The following ANXA2 variants were observed in gnomAD, a reference collection of about 807,000 sequenced individuals.
ANXA2 encodes the protein annexin A2.
A neutral mutation model predicts 47.3 loss-of-function variants in ANXA2; 28 were observed. The ratio of observed to expected loss-of-function variants is 0.59; its 90% confidence interval spans 0.44 to 0.81. ANXA2 has a LOEUF of 0.81. Ranked by LOEUF, ANXA2 falls within the 40% of genes least tolerant of loss-of-function variation. The pLI, the probability that ANXA2 is intolerant of heterozygous loss-of-function variation, is 0.00. For missense variants in ANXA2, 384 were observed against 414.3 expected, an observed-to-expected ratio of 0.93 and a Z score of 0.64; for synonymous variants, 172 against 155.5, an observed-to-expected ratio of 1.11 and a Z score of -0.79.
At position 60,354,593 on chromosome 15, in the gene ANXA2, C is replaced by G. The variant is rs1470675483; in HGVS notation, c.529-380G>C. ...TGAGATCACGCCACTGCACTCCAACCCTGGTGACAGAGTGAGACTCTGTCT... is the reference window on the plus strand; with the variant it reads ...TGAGATCACGCCACTGCACTCCAACGCTGGTGACAGAGTGAGACTCTGTCT... On this transcript the variant is annotated intron_variant, in intron 7 of 12. Coordinates refer to ENST00000451270, the MANE Select transcript of ANXA2 (RefSeq NM_004039.3). Among the ~76,000 whole-genome samples the G allele has an allele frequency of 4.2e-5, 6 of 143,902 alleles. No individual in the cohort carries two copies. In the East Asian group the frequency reaches 1.2e-3, roughly 29 times the overall value. 94.4% of individuals were successfully genotyped at this position (143,902 alleles called of 152,430 possible).
At chr15:60,381,590 C>A (rs185057470) in intron 3 of ANXA2, among the ~76,000 whole-genome samples, 2 of 152,148 alleles carry the variant, frequency 1.3e-5, no homozygotes, top group African/African-American at 2.4e-5. Flanking sequence ...AAGAGGAAGG[C>A]TTTTACGCCT....
intron 5 of ANXA2, among the ~76,000 whole-genome samples, chr15:60,359,485 T>TAATGA (rs2062480272): frequency 6.6e-6 from 1 of 152,228 alleles, no homozygotes; most frequent in Non-Finnish European, 1.5e-5. Context: ...TTATCATTCT[T>TAATGA]AATGACGTCT....
chr15:60,390,588 T>A (rs1315360750), intron 1 of ANXA2: 1 of 320,554 alleles, frequency 3.1e-6, no homozygotes, highest in Non-Finnish European at 6.1e-6. Flanking sequence ...GCTGACCCCA[T>A]CTGCAGATCT....
At chr15:60,395,627 G>A (rs747825046) in intron 1 of ANXA2, 2 of 152,062 alleles carry the variant, frequency 1.3e-5, no homozygotes, top group Non-Finnish European at 2.9e-5. Context: ...GGAAACTAAC[G>A]GCCATGACTG....
In ANXA2 at chr15:60,361,033, A is replaced by G. The variant is rs753412416; in HGVS notation, c.265T>C (p.Ser89Pro). ...GTCTCCAGGTGGCCAGATAAGGCTGACTTCAGTGCTGATGCAAGTTCCTTC... is the reference window on the plus strand; with the variant it reads ...GTCTCCAGGTGGCCAGATAAGGCTGGCTTCAGTGCTGATGCAAGTTCCTTC... ...TKKELASALKSALSGHLETVI... is the reference protein window; with the variant it reads ...TKKELASALKPALSGHLETVI... The change falls in exon 5 of 13, where the codon TCA (serine) becomes CCA (proline). Residue 89 changes from serine (S) to proline (P), a missense_variant. Coordinates refer to ENST00000451270, the MANE Select transcript of ANXA2 (RefSeq NM_004039.3). 9.3e-6 allele frequency: 15 copies of G among 1,612,782 alleles called. No homozygotes were observed. Among genetic ancestry groups the G allele is most frequent in the Non-Finnish European group, 1.3e-5 (15 of 1,178,708 alleles).
At chr15:60,382,512 A>G in intron 2 of ANXA2, 71 bp from the exon 3 acceptor site, 2 of 1,108,314 alleles carry the variant, frequency 1.8e-6, no homozygotes, top group Admixed American at 2.0e-5. Context: ...ACAATGCCTA[A>G]TATGTTTTCC....
At chr15:60,383,526 G>A (rs1206486266) in intron 2 of ANXA2, 3 of 152,224 alleles carry the variant, frequency 2.0e-5, no homozygotes, top group Non-Finnish European at 4.4e-5. Context: ...TTCTACGTCA[G>A]TTCTCCTTTC....
chr15:60,369,081 GCTT>G (rs1207409002), intron 3 of ANXA2, among the ~76,000 whole-genome samples: 28 of 152,194 alleles, frequency 1.8e-4, no homozygotes, highest in Admixed American at 3.9e-4. Flanking sequence ...TGGGGTCTCA[GCTT>G]CTATATCTGC....
chr15:60,383,870 T>C (rs745996906), intron 2 of ANXA2: 1 of 152,298 alleles, frequency 6.6e-6, no homozygotes, highest in African/African-American at 2.4e-5. Flanking sequence ...TCCATTTTAT[T>C]AGCACTGAGA....
chr15:60,373,526 G>C (rs115501276), intron 3 of ANXA2, among the ~76,000 whole-genome samples: 1 of 152,088 alleles, frequency 6.6e-6, no homozygotes, highest in Non-Finnish European at 1.5e-5. Context: ...TGCCCCTCTG[G>C]GTCATCCAGC....
chr15:60,351,314 G>A (rs1266097798), intron 10 of ANXA2, 63 bp from the exon 11 acceptor site: 5 of 1,556,590 alleles, frequency 3.2e-6, no homozygotes, highest in Non-Finnish European at 3.5e-6. Context: ...ACCAATGAGA[G>A]AGGATGCCCT....
At position 60,397,753 on chromosome 15, in the gene ANXA2, C is replaced by T. The variant is rs868435614; in HGVS notation, c.-12+190G>A. 7.6e-5 allele frequency: 72 copies of T among 947,512 alleles called. No homozygotes were observed. In the African/African-American group the frequency reaches 1.1e-3, roughly 15 times the overall value. 58.7% of individuals were successfully genotyped at this position (947,512 alleles called of 1,614,324 possible). On this transcript the variant is annotated intron_variant, in intron 1 of 12. Coordinates refer to ENST00000451270, the MANE Select transcript of ANXA2 (RefSeq NM_004039.3). ...GGCCGGTGGCCCCTCACCCCTGCCC[C>T]AAACACCTTGTCCCTGAGCCCCCTC...
rs376757847 is a variant in ANXA2 at position 60,351,779 on chromosome 15, C to T, written c.723G>A (p.Leu241=). The part of the protein sequence containing the change: ...RYKSYSPYDM[L]ESIRKEVKGD... The stretch of plus-strand genomic sequence containing the variant: ...CTTTAACCTCTTTCCTGATGCTTTC[C>T]AACATGTCATAAGGGCTGTAACTCT... The change falls in exon 10 of 13, where the codon TTG becomes TTA. Residue 241 remains leucine (L), a synonymous_variant. Transcript: ENST00000451270. 2.5e-6 allele frequency: 4 copies of T among 1,613,668 alleles called. No individual in the cohort carries two copies. The African/African-American group carries it at 5.3e-5, about 22-fold the overall frequency.
chr15:60,366,843 A>G (rs1200077726), intron 3 of ANXA2, among the ~76,000 whole-genome samples: 11 of 20,298 alleles, frequency 5.4e-4, no homozygotes, highest in South Asian at 1.9e-3. Context: ...TCCGGGAGGG[A>G]GGTGGGGGGG....
At chr15:60,391,398 G>A (rs1396248612) in intron 1 of ANXA2, 1 of 152,400 alleles carries the variant, frequency 6.6e-6, no homozygotes, top group African/African-American at 2.4e-5. Flanking sequence ...CAAGGGGGAA[G>A]GCCTGGGGAG....
In ANXA2 at chr15:60,347,670, T is replaced by C. The variant is rs1416241827; in HGVS notation, c.980A>G (p.Tyr327Cys). 5 of 1,614,170 alleles carry C rather than the reference T, an allele frequency of 3.1e-6. No individual in the cohort carries two copies. In the South Asian group the frequency reaches 5.5e-5, roughly 18 times the overall value. Residue 327 changes from tyrosine (Y) to cysteine (C), a missense_variant, in exon 13 of 13, where the codon TAC (tyrosine) becomes TGC (cysteine). Transcript: ENST00000451270. ...ACACAGGTACAGCAGCGCTTTCTGGTAGTCGCCCTTAGTGTCTTGCTACAA... is the reference window on the plus strand; with the variant it reads ...ACACAGGTACAGCAGCGCTTTCTGGCAGTCGCCCTTAGTGTCTTGCTACAA... The part of the protein sequence containing the change: ...YYIQQDTKGD[Y>C]QKALLYLCGG...
chr15:60,360,926 C>A lies in ANXA2; in HGVS notation c.357+15G>T. The stretch of plus-strand genomic sequence containing the variant: ...ATAGCAGATTTGACAGAGATGACAT[C>A]TCACATGCATTTACCTTCATGGAAG... On this transcript the variant is annotated intron_variant, in intron 5 of 12. Coordinates refer to ENST00000451270, the MANE Select transcript of ANXA2 (RefSeq NM_004039.3). The A allele has an allele frequency of 6.7e-7, 1 of 1,493,060 alleles. No individual in the cohort carries two copies. Among genetic ancestry groups the A allele is most frequent in the South Asian group, 1.1e-5 (1 of 87,936 alleles). The allele number at this position is 1,493,060 out of a possible 1,614,324, so 92.5% of individuals were successfully genotyped here. A position where few individuals can be genotyped will look rare whatever the true frequency, so the allele number is the denominator to read the frequency against.
chr15:60,371,987 TAA>T, intron 3 of ANXA2, among the ~76,000 whole-genome samples: 2 of 152,150 alleles, frequency 1.3e-5, no homozygotes, highest in East Asian at 1.9e-4. Context: ...CCATCTCTAC[TAA>T]AAATACAAAA....
chr15:60,374,500 G>T (rs749289708), intron 3 of ANXA2: 1 of 456,018 alleles, frequency 2.2e-6, no homozygotes, highest in Non-Finnish European at 4.4e-6. Context: ...ATTAGAATCT[G>T]GTTACTGCCA....
Sources: gnomAD v4.1 joint callset for allele counts (sites outside exome capture counted in the v4.1 genomes callset) on GRCh38, gnomAD v4.1.1 for gene constraint, MANE v1.5 for transcripts, NCBI Gene and HGNC (gene_info 2026-07-23, HGNC 2026-07-21) for gene names.